Variants in SLC39A11 observed in about 807,000 individuals in gnomAD.
SLC39A11 encodes the protein solute carrier family 39 member 11.
In SLC39A11, 33 loss-of-function variants were observed where a neutral mutation model predicts 36.1. The observed-to-expected ratio is 0.91, with a 90% confidence interval of 0.69 to 1.22. The LOEUF is 1.22. Ranked by LOEUF, SLC39A11 falls within the 50% of genes most tolerant of loss-of-function variation. The pLI is 0.00. For synonymous variants in SLC39A11, 166 were observed against 170.3 expected (o/e 0.97, Z 0.20); for missense variants, 432 against 430.3 (o/e 1.00, Z -0.03).
At chr17:72,996,994 C>A (rs2089556390) in intron 4 of SLC39A11, among the ~76,000 whole-genome samples, 1 of 152,140 alleles carries the variant, frequency 6.6e-6, no homozygotes, top group Non-Finnish European at 1.5e-5. Flanking sequence ...GAGCCACCCT[C>A]CCCACGACCA....
At position 73,031,650 on chromosome 17, in the gene SLC39A11, C is replaced by T. The variant is rs573356604; in HGVS notation, c.212G>A (p.Gly71Glu). 8 of 1,614,112 alleles carry T rather than the reference C, an allele frequency of 5.0e-6. No individual in the cohort carries two copies. In the East Asian group the frequency reaches 6.7e-5, roughly 13 times the overall value. The change falls in exon 4 of 10, where the codon GGG (glycine) becomes GAG (glutamate). Residue 71 changes from glycine to glutamate, a missense_variant. Physicochemically the swap from Gly to Glu is moderately conservative, Grantham distance 98 (BLOSUM62 -2). Coordinates refer to ENST00000255559, the MANE Select transcript of SLC39A11 (RefSeq NM_139177.4). ...GAAGAAGGCAAAGGCACCGAAGCCCCCAGAGGACGTGGCCATCTCAACTGC... is the reference window on the plus strand; with the variant it reads ...GAAGAAGGCAAAGGCACCGAAGCCCTCAGAGGACGTGGCCATCTCAACTGC... The part of the protein sequence containing the change: ...APAVEMATSS[G>E]GFGAFAFFPV...
intron 6 of SLC39A11, among the ~76,000 whole-genome samples, chr17:72,810,970 A>G (rs918441220): frequency 6.6e-6 from 1 of 152,150 alleles, no homozygotes; most frequent in South Asian, 2.1e-4. Flanking sequence ...CTGGGATTAC[A>G]GGCGTGAGCC....
intron 3 of SLC39A11, among the ~76,000 whole-genome samples, chr17:73,058,827 G>A (rs1225501928): frequency 6.6e-6 from 1 of 152,180 alleles, no homozygotes; most frequent in East Asian, 1.9e-4. Flanking sequence ...GCCTTGCCCT[G>A]TGTTTTGCCT....
intron 7 of SLC39A11, among the ~76,000 whole-genome samples, chr17:72,693,716 A>C (rs2072147013): frequency 6.6e-6 from 1 of 152,160 alleles, no homozygotes; most frequent in Non-Finnish European, 1.5e-5. Context: ...AATCTGGAGT[A>C]CAATGGCGCA....
intron 6 of SLC39A11, among the ~76,000 whole-genome samples, chr17:72,831,602 T>C (rs2078288755): frequency 6.6e-6 from 1 of 152,256 alleles, no homozygotes; most frequent in Non-Finnish European, 1.5e-5. Context: ...TTACTTACCA[T>C]TGATTCTGGA....
intron 6 of SLC39A11, among the ~76,000 whole-genome samples, chr17:72,766,905 G>A (rs947908349): frequency 2.0e-5 from 3 of 152,102 alleles, no homozygotes; most frequent in Non-Finnish European, 4.4e-5. Flanking sequence ...TCCCTGACCA[G>A]AGACATGCCA....
intron 7 of SLC39A11, among the ~76,000 whole-genome samples, chr17:72,700,742 A>G (rs938685504): frequency 3.2e-4 from 48 of 152,250 alleles, no homozygotes; most frequent in African/African-American, 1.2e-3. Flanking sequence ...GAGGCCTCAC[A>G]GTCATGGCAG....
chr17:72,738,553 C>A (rs1035501235), intron 6 of SLC39A11, among the ~76,000 whole-genome samples: 2 of 152,076 alleles, frequency 1.3e-5, no homozygotes, highest in Admixed American at 6.6e-5. Flanking sequence ...GATGGCGCAG[C>A]GAGGGTCATG....
intron 7 of SLC39A11, among the ~76,000 whole-genome samples, chr17:72,653,079 G>A (rs1355981796): frequency 5.9e-5 from 9 of 151,594 alleles, no homozygotes; most frequent in African/African-American, 2.2e-4. Flanking sequence ...AGCCTGGTGG[G>A]CTTGACTCTT....
At chr17:72,871,079 T>G (rs1189190971) in intron 5 of SLC39A11, among the ~76,000 whole-genome samples, 2 of 150,158 alleles carry the variant, frequency 1.3e-5, no homozygotes, top group East Asian at 4.0e-4. Flanking sequence ...TTTTGGTTTT[T>G]CTGAGACAGA....
intron 5 of SLC39A11, among the ~76,000 whole-genome samples, chr17:72,853,405 A>C (rs936210354): frequency 2.0e-5 from 3 of 151,966 alleles, no homozygotes; most frequent in Non-Finnish European, 2.9e-5. Flanking sequence ...GGGGCTAAAC[A>C]CACACTCTAA....
At chr17:72,700,911 TG>T (rs1173691998) in intron 7 of SLC39A11, among the ~76,000 whole-genome samples, 1 of 152,202 alleles carries the variant, frequency 6.6e-6, no homozygotes, top group Non-Finnish European at 1.5e-5. Context: ...TATCTCCCAC[TG>T]GGCCCCTCCC....
chr17:72,928,670 G>A (rs566348929), intron 5 of SLC39A11, among the ~76,000 whole-genome samples: 17 of 152,244 alleles, frequency 1.1e-4, no homozygotes, highest in East Asian at 3.9e-4. Flanking sequence ...CCTGCTTTGA[G>A]TCTACGTCAA....
chr17:72,737,218 G>A (rs1177068422), intron 6 of SLC39A11, among the ~76,000 whole-genome samples: 4 of 151,956 alleles, frequency 2.6e-5, no homozygotes, highest in African/African-American at 9.7e-5. Context: ...GGAGGCTGCA[G>A]GGAGCCAAGA....
At chr17:72,650,192 C>T (rs1567904478) in intron 7 of SLC39A11, among the ~76,000 whole-genome samples, 1 of 152,198 alleles carries the variant, frequency 6.6e-6, no homozygotes, top group Non-Finnish European at 1.5e-5. Context: ...TCTTTGGGCC[C>T]CAGTGGTGCT....
intron 6 of SLC39A11, among the ~76,000 whole-genome samples, chr17:72,757,209 A>C (rs997528546): frequency 4.0e-5 from 6 of 151,750 alleles, no homozygotes; most frequent in African/African-American, 1.5e-4. Context: ...AAAAAGAAAA[A>C]AGTGGTTCAA....
intron 6 of SLC39A11, among the ~76,000 whole-genome samples, chr17:72,741,816 T>C (rs1274023796): frequency 6.6e-6 from 1 of 152,128 alleles, no homozygotes; most frequent in African/African-American, 2.4e-5. Flanking sequence ...ATGAAAGCCA[T>C]AACTCAAGTA....
intron 6 of SLC39A11, among the ~76,000 whole-genome samples, chr17:72,811,452 T>C (rs1598834588): frequency 6.6e-6 from 1 of 152,184 alleles, no homozygotes; most frequent in South Asian, 2.1e-4. Flanking sequence ...TGTGGAAAAA[T>C]AGTTTTCCAG....
chr17:72,737,291 A>T (rs945388710), intron 6 of SLC39A11, among the ~76,000 whole-genome samples: 22 of 151,928 alleles, frequency 1.4e-4, no homozygotes, highest in East Asian at 1.3e-3. Context: ...AAAAAAAATA[A>T]AAATAAATTT....
Sources: allele counts gnomAD v4.1 joint callset (sites outside exome capture counted in the v4.1 genomes callset), GRCh38; gene constraint gnomAD v4.1.1; transcripts MANE v1.5; gene names NCBI Gene and HGNC (gene_info 2026-07-23, HGNC 2026-07-21).